Variants in TMEM132C observed in about 807,000 individuals in gnomAD.
TMEM132C encodes protein phosphatase 1, regulatory subunit 152.
TMEM132C carries 29 observed loss-of-function variants against 61.4 expected under a neutral mutation model. The ratio of observed to expected loss-of-function variants is 0.47; its 90% CI spans 0.35 to 0.64. TMEM132C has a LOEUF of 0.64. Among genes scored for constraint, TMEM132C ranks in the 30% least tolerant of loss-of-function variants. The probability of loss-of-function intolerance (pLI) is 0.00; values close to 1 mark genes in which losing one functional copy is unlikely to be tolerated. For missense variants in TMEM132C, 1,408 were observed against 1,476.9 expected (o/e 0.95, Z 0.76); for synonymous variants, 656 against 633.1 (o/e 1.04, Z -0.54).
At chr12:128,536,162 C>A (rs1311539947) in intron 2 of TMEM132C, among the ~76,000 whole-genome samples, 1 of 152,188 alleles carries the variant, frequency 6.6e-6, no homozygotes, top group African/African-American at 2.4e-5. Context: ...CAATGATAGA[C>A]TGGATTAAGA....
chr12:128,553,416 T>TA (rs755933621), intron 3 of TMEM132C, among the ~76,000 whole-genome samples: 6 of 152,256 alleles, frequency 3.9e-5, no homozygotes, highest in Non-Finnish European at 8.8e-5. Context: ...ATGTAACTAT[T>TA]ACCATTATTG....
intron 2 of TMEM132C, among the ~76,000 whole-genome samples, chr12:128,449,690 C>G (rs923283314): frequency 6.6e-6 from 1 of 152,164 alleles, no homozygotes; most frequent in Non-Finnish European, 1.5e-5. Flanking sequence ...CATCAGAGTA[C>G]AAACTAATCA....
chr12:128,285,093 A>C (rs1477735166), intron 1 of TMEM132C, among the ~76,000 whole-genome samples: 2 of 152,184 alleles, frequency 1.3e-5, no homozygotes, highest in Non-Finnish European at 2.9e-5. Flanking sequence ...AAGTGAGCCA[A>C]GATTGCACCA....
At chr12:128,435,246 T>G (rs1452841285) in intron 2 of TMEM132C, among the ~76,000 whole-genome samples, 1 of 152,200 alleles carries the variant, frequency 6.6e-6, no homozygotes, top group Non-Finnish European at 1.5e-5. Context: ...TGAGTGGTAC[T>G]CTGTGATGGC....
chr12:128,695,938 G>A lies in TMEM132C; in HGVS notation c.1764G>A (p.Glu588=). 2 of 1,551,760 alleles carry A rather than the reference G, an allele frequency of 1.3e-6. No homozygotes were observed. Among genetic ancestry groups the A allele is most frequent in the South Asian group, 1.2e-5 (1 of 84,058 alleles). Residue 588 remains glutamate (E), a synonymous_variant, in exon 7 of 9, where the codon GAG becomes GAA. Coordinates refer to ENST00000435159, the MANE Select transcript of TMEM132C (RefSeq NM_001136103.3). The part of the protein sequence containing the change: ...TVRVLTQFVS[E]GAGPWGQPNY... Reference sequence around the variant, plus strand: ...GGGTCCTCACCCAGTTTGTGTCTGAGGGCGCCGGTCCATGGGGCCAGCCGA... The same window carrying A: ...GGGTCCTCACCCAGTTTGTGTCTGAAGGCGCCGGTCCATGGGGCCAGCCGA...
At chr12:128,664,088 CCACA>C (rs1195081856) in intron 4 of TMEM132C, among the ~76,000 whole-genome samples, 1 of 137,350 alleles carries the variant, frequency 7.3e-6, no homozygotes, top group Non-Finnish European at 1.5e-5. Flanking sequence ...GCACAAGCAC[CCACA>C]CGCACGCACA....
intron 5 of TMEM132C, among the ~76,000 whole-genome samples, chr12:128,671,779 AC>A (rs1178800255): frequency 6.6e-6 from 1 of 152,196 alleles, no homozygotes; most frequent in Non-Finnish European, 1.5e-5. Context: ...ATATACTATG[AC>A]GATTCTTCTG....
chr12:128,701,018 C>G (rs898937008), intron 8 of TMEM132C, among the ~76,000 whole-genome samples: 15 of 152,164 alleles, frequency 9.9e-5, no homozygotes, highest in African/African-American at 3.6e-4. Flanking sequence ...TCAGCCGCCG[C>G]CAAGGGCAGC....
At chr12:128,426,420 G>A (rs993127094) in intron 2 of TMEM132C, among the ~76,000 whole-genome samples, 2 of 152,182 alleles carry the variant, frequency 1.3e-5, no homozygotes, top group East Asian at 1.9e-4. Context: ...GGAGCAAGCT[G>A]ACTGTTCCCA....
At chr12:128,590,972 G>A (rs1875729102) in intron 3 of TMEM132C, among the ~76,000 whole-genome samples, 1 of 152,002 alleles carries the variant, frequency 6.6e-6, no homozygotes, top group Non-Finnish European at 1.5e-5. Context: ...TTGTAGAGAA[G>A]GGGCCTCACT....
intron 2 of TMEM132C, among the ~76,000 whole-genome samples, chr12:128,497,734 C>T (rs1872018748): frequency 1.3e-5 from 2 of 152,174 alleles, no homozygotes; most frequent in Non-Finnish European, 2.9e-5. Flanking sequence ...TCTGTCACCT[C>T]TTCCCTTGGC....
chr12:128,606,801 C>T (rs1306542441), intron 3 of TMEM132C, among the ~76,000 whole-genome samples: 2 of 152,200 alleles, frequency 1.3e-5, no homozygotes, highest in African/African-American at 2.4e-5. Context: ...AGGGGCAGGT[C>T]TCGGTTCCAG....
In TMEM132C at chr12:128,272,467, A is replaced by G. The variant is rs192370678; in HGVS notation, c.85+4980A>G. ...TTGGGTAATTATGAAAAATGTTGCT[A>G]TAAATATTCACCAACAATCTTCATG... is the stretch of plus-strand genomic sequence containing the variant. On this transcript the variant is annotated intron_variant, in intron 1 of 8. Coordinates refer to ENST00000435159, the MANE Select transcript of TMEM132C (RefSeq NM_001136103.3). Among the ~76,000 whole-genome samples, 8 of 152,346 alleles carry G rather than the reference A, an allele frequency of 5.3e-5. No homozygotes were observed. In the East Asian group the frequency reaches 1.5e-3, roughly 29 times the overall value.
chr12:128,588,168 T>C (rs976132293), intron 3 of TMEM132C, among the ~76,000 whole-genome samples: 2 of 152,208 alleles, frequency 1.3e-5, no homozygotes, highest in East Asian at 3.8e-4. Flanking sequence ...GTGCAGTGGC[T>C]CACACCTGTC....
chr12:128,479,401 T>C (rs1871253522), intron 2 of TMEM132C, among the ~76,000 whole-genome samples: 1 of 152,218 alleles, frequency 6.6e-6, no homozygotes, highest in Admixed American at 6.5e-5. Flanking sequence ...AACTACAGCC[T>C]ACAGGCCTGG....
chr12:128,381,561 G>A (rs1306122704), intron 1 of TMEM132C, among the ~76,000 whole-genome samples: 1 of 152,180 alleles, frequency 6.6e-6, no homozygotes, highest in Non-Finnish European at 1.5e-5. Context: ...GCAAACCTAT[G>A]GACGTGAGAG....
At chr12:128,511,599 T>G in intron 2 of TMEM132C, among the ~76,000 whole-genome samples, 1 of 152,200 alleles carries the variant, frequency 6.6e-6, no homozygotes, top group East Asian at 1.9e-4. Flanking sequence ...ACAGTGTCAC[T>G]TTCCTGGCCT....
intron 1 of TMEM132C, among the ~76,000 whole-genome samples, chr12:128,407,428 C>T (rs776603283): frequency 3.9e-5 from 6 of 152,196 alleles, no homozygotes; most frequent in Non-Finnish European, 7.3e-5. Flanking sequence ...TTCTTGATGA[C>T]TGCTGGCTGC....
intron 2 of TMEM132C, among the ~76,000 whole-genome samples, chr12:128,517,748 C>T (rs899094740): frequency 2.0e-5 from 3 of 152,066 alleles, no homozygotes; most frequent in African/African-American, 7.2e-5. Context: ...CCAAGCTTTA[C>T]CCAGCAGCCA....
Sources: gnomAD v4.1 joint callset for allele counts (sites outside exome capture counted in the v4.1 genomes callset) on GRCh38, gnomAD v4.1.1 for gene constraint, MANE v1.5 for transcripts, NCBI Gene and HGNC (gene_info 2026-07-23, HGNC 2026-07-21) for gene names.